Variants in DSCAM observed in about 807,000 individuals in gnomAD.
DSCAM encodes cell adhesion molecule DSCAM.
DSCAM carries 47 observed loss-of-function variants against 217.7 expected under a neutral mutation model. That is an observed-to-expected ratio of 0.22 (90% confidence interval 0.17 to 0.28). The LOEUF (loss-of-function observed/expected upper bound fraction) is 0.28, where lower values mean the gene tolerates loss of function less well. DSCAM is among the 10% of genes least tolerant of loss of function. The probability of loss-of-function intolerance (pLI) is 1.00; values close to 1 mark genes in which losing one functional copy is unlikely to be tolerated. For missense variants in DSCAM, 2,080 were observed against 2,618.3 expected (o/e 0.79, Z 4.49); for synonymous variants, 1,056 against 1,015.3 (o/e 1.04, Z -0.76).
chr21:40,407,457 T>G (rs1306919060), intron 3 of DSCAM, among the ~76,000 whole-genome samples: 1 of 152,152 alleles, frequency 6.6e-6, no homozygotes, highest in Admixed American at 6.5e-5. Flanking sequence ...CTTTGACCAA[T>G]AGAAAGCAAT....
At chr21:40,742,468 G>A (rs549438171) in intron 1 of DSCAM, among the ~76,000 whole-genome samples, 1 of 152,310 alleles carries the variant, frequency 6.6e-6, no homozygotes, top group South Asian at 2.1e-4. Context: ...ACTCTGAAAG[G>A]ACATGGTCCT....
At chr21:40,152,970 G>T (rs947332126) in intron 16 of DSCAM, among the ~76,000 whole-genome samples, 1 of 152,274 alleles carries the variant, frequency 6.6e-6, no homozygotes, top group Non-Finnish European at 1.5e-5. Context: ...TTTCACGTTT[G>T]AAGAATGCTG....
chr21:40,171,339 A>G (rs2090655551), intron 15 of DSCAM, among the ~76,000 whole-genome samples: 1 of 152,072 alleles, frequency 6.6e-6, no homozygotes. Flanking sequence ...CAGCCTCCCA[A>G]AGTGCTGGGA....
intron 1 of DSCAM, among the ~76,000 whole-genome samples, chr21:40,732,207 A>G (rs1321178332): frequency 6.6e-6 from 1 of 152,242 alleles, no homozygotes; most frequent in Non-Finnish European, 1.5e-5. Context: ...AGATTCTGCA[A>G]TGACTGCTGT....
At chr21:40,579,242 T>C (rs1181728226) in intron 3 of DSCAM, among the ~76,000 whole-genome samples, 1 of 148,878 alleles carries the variant, frequency 6.7e-6, no homozygotes, top group African/African-American at 2.5e-5. Context: ...AATTAAATTA[T>C]AATAAATTAA....
At chr21:40,317,365 G>C (rs1231158452) in intron 8 of DSCAM, among the ~76,000 whole-genome samples, 1 of 152,122 alleles carries the variant, frequency 6.6e-6, no homozygotes, top group Non-Finnish European at 1.5e-5. Context: ...CAAAACTCTT[G>C]TATGGAATTT....
intron 32 of DSCAM, among the ~76,000 whole-genome samples, chr21:40,017,571 T>A (rs1254677925): frequency 6.6e-6 from 1 of 152,110 alleles, no homozygotes; most frequent in Non-Finnish European, 1.5e-5. Flanking sequence ...AACATTTTTT[T>A]TTTTTTTGAG....
intron 29 of DSCAM, among the ~76,000 whole-genome samples, chr21:40,053,906 G>T (rs185826788): frequency 1.3e-5 from 2 of 152,142 alleles, no homozygotes; most frequent in African/African-American, 4.8e-5. Context: ...CTAGTGAGAC[G>T]CATTTAGCAA....
chr21:40,030,099 C>A (rs1173784261), intron 32 of DSCAM, among the ~76,000 whole-genome samples: 2 of 152,232 alleles, frequency 1.3e-5, no homozygotes, highest in East Asian at 3.9e-4. Context: ...GATACATAAG[C>A]ACATGCTCCC....
chr21:40,430,723 C>T (rs1403239131), intron 3 of DSCAM, among the ~76,000 whole-genome samples: 1 of 152,238 alleles, frequency 6.6e-6, no homozygotes, highest in Non-Finnish European at 1.5e-5. Flanking sequence ...TACCGCTGGA[C>T]TCCTGTCTAT....
chr21:40,194,730 C>A (rs141577904), intron 11 of DSCAM, among the ~76,000 whole-genome samples: 2 of 152,292 alleles, frequency 1.3e-5, no homozygotes, highest in African/African-American at 4.8e-5. Flanking sequence ...TTTTTTGCAG[C>A]ATAAAGATGC....
At chr21:40,022,303 C>G (rs1315131350) in intron 32 of DSCAM, among the ~76,000 whole-genome samples, 3 of 152,172 alleles carry the variant, frequency 2.0e-5, no homozygotes, top group Non-Finnish European at 2.9e-5. Context: ...GCCAGGGGTG[C>G]TGCTCAACAT....
chr21:40,770,981 TGAAA>T (rs1210475057), intron 1 of DSCAM, among the ~76,000 whole-genome samples: 2 of 152,042 alleles, frequency 1.3e-5, no homozygotes, highest in Admixed American at 6.5e-5. Flanking sequence ...AGATTTAGAA[TGAAA>T]GAAAGAAAGC....
rs773183614 is a variant in DSCAM at position 40,232,864 on chromosome 21, G to A, written c.2356+43233C>T. On this transcript the variant is annotated intron_variant, in intron 11 of 32. Coordinates refer to ENST00000400454, the MANE Select transcript of DSCAM (RefSeq NM_001389.5). The stretch of plus-strand genomic sequence containing the variant: ...GTCATAATAATACTAAGTTATTCAT[G>A]TTGTTTATTTATTTATAAGTTATTA... Among the ~76,000 whole-genome samples, 148 of 152,192 alleles carry A rather than the reference G, an allele frequency of 9.7e-4. 1 individual carries two copies. Among genetic ancestry groups the A allele is most frequent in the African/African-American group, 1.1e-3 (45 of 41,534 alleles).
At chr21:40,071,716 T>C (rs982945606) in intron 27 of DSCAM, among the ~76,000 whole-genome samples, 17 of 152,246 alleles carry the variant, frequency 1.1e-4, no homozygotes, top group Non-Finnish European at 2.2e-4. Context: ...ATCAAAATAT[T>C]CTGTCTGTAG....
intron 10 of DSCAM, among the ~76,000 whole-genome samples, chr21:40,292,507 A>G (rs558858094): frequency 3.9e-5 from 6 of 152,240 alleles, no homozygotes; most frequent in South Asian, 4.2e-4. Context: ...TGTCAAAAAA[A>G]AAAAGCCTAA....
intron 3 of DSCAM, among the ~76,000 whole-genome samples, chr21:40,627,164 C>T (rs2089612299): frequency 6.6e-6 from 1 of 152,186 alleles, no homozygotes; most frequent in South Asian, 2.1e-4. Flanking sequence ...TAGACAGCCA[C>T]ACGTTAGTTG....
At chr21:40,676,131 T>C (rs941718860) in intron 3 of DSCAM, among the ~76,000 whole-genome samples, 6 of 152,202 alleles carry the variant, frequency 3.9e-5, no homozygotes, top group African/African-American at 1.4e-4. Context: ...AAAGTAATCA[T>C]CCATATCCTT....
At chr21:40,726,024 G>T (rs1281099115) in intron 1 of DSCAM, among the ~76,000 whole-genome samples, 1 of 152,086 alleles carries the variant, frequency 6.6e-6, no homozygotes, top group East Asian at 1.9e-4. Context: ...GAAACAAAAA[G>T]AATTTCCAGA....
Sources: gnomAD v4.1 joint callset for allele counts (sites outside exome capture counted in the v4.1 genomes callset) on GRCh38, gnomAD v4.1.1 for gene constraint, MANE v1.5 for transcripts, NCBI Gene and HGNC (gene_info 2026-07-23, HGNC 2026-07-21) for gene names.